The following APBA2 variants were observed in gnomAD, a reference collection of about 807,000 sequenced individuals.
APBA2 encodes the protein amyloid beta precursor protein binding family A member 2.
Under a neutral mutation model 75.0 loss-of-function variants are expected in APBA2, and 30 were observed. The observed-to-expected ratio is 0.40, with a 90% CI of 0.30 to 0.54. The LOEUF is 0.54. Ranked by LOEUF, APBA2 falls within the 20% of genes least tolerant of loss-of-function variation. APBA2 has a pLI of 0.49. For missense variants in APBA2, 801 were observed against 1,016.1 expected, an observed-to-expected ratio of 0.79 and a Z score of 2.88; for synonymous variants, 444 against 409.6, an observed-to-expected ratio of 1.08 and a Z score of -1.01.
intron 1 of APBA2, among the ~76,000 whole-genome samples, chr15:28,900,064 G>A (rs942927489): frequency 1.3e-5 from 2 of 152,156 alleles, no homozygotes; most frequent in Non-Finnish European, 2.9e-5. Flanking sequence ...TTCCTTTCTA[G>A]GTGAGGAGTT....
intron 2 of APBA2, among the ~76,000 whole-genome samples, chr15:28,982,598 G>A (rs985794788): frequency 2.0e-5 from 3 of 152,230 alleles, no homozygotes; most frequent in Non-Finnish European, 2.9e-5. Context: ...CTTTGGCAAT[G>A]GAGGATTTAT....
rs976432348 is a variant in APBA2 at position 28,991,809 on chromosome 15, G to T, written c.-94-3944G>T. Among the ~76,000 whole-genome samples the T allele has an allele frequency of 6.6e-6, 1 of 152,138 alleles. No individual in the cohort carries two copies. Among genetic ancestry groups the T allele is most frequent in the Non-Finnish European group, 1.5e-5 (1 of 68,028 alleles). Reference sequence around the variant, plus strand: ...GCCAGAGCCTCCTGTCAACAAGTATGTCACTGCCTTCGGGTTATTATTGTT... The same window carrying T: ...GCCAGAGCCTCCTGTCAACAAGTATTTCACTGCCTTCGGGTTATTATTGTT... On this transcript the variant is annotated intron_variant, in intron 2 of 14. Coordinates refer to ENST00000683413, the MANE Select transcript of APBA2 (RefSeq NM_001353788.2). This position sits in a 1 kb window ranked among gnomAD's most constrained non-coding sequence, Gnocchi z 4.7.
intron 10 of APBA2, among the ~76,000 whole-genome samples, chr15:29,103,804 A>T (rs1436405394): frequency 1.3e-5 from 2 of 152,194 alleles, no homozygotes; most frequent in African/African-American, 4.8e-5. Flanking sequence ...ACAGAAGCAG[A>T]GGCCTGGGGG....
intron 2 of APBA2, among the ~76,000 whole-genome samples, chr15:28,964,912 A>AT (rs945350259): frequency 1.5e-4 from 22 of 151,482 alleles, no homozygotes; most frequent in South Asian, 4.2e-4. Flanking sequence ...CCAGAGTATA[A>AT]TTTTTTTTTC....
chr15:28,980,689 C>T (rs548722879), intron 2 of APBA2, among the ~76,000 whole-genome samples: 6 of 152,304 alleles, frequency 3.9e-5, no homozygotes, highest in Admixed American at 3.9e-4. Context: ...CTAGAAAAAA[C>T]TATTCCAAAA....
Position 29,108,223 on chromosome 15 carries a change from T to C in APBA2, c.1918-47T>C, listed in dbSNP as rs376937381. On this transcript the variant is annotated intron_variant, in intron 12 of 14. Transcript: ENST00000683413. ...CAGCCTCGCTCATCCTGGGTCAGGC[T>C]TGATGTCTAAGGCCCAGCCTGTGAC... 19 of 1,612,242 alleles carry C rather than the reference T, an allele frequency of 1.2e-5. No homozygotes were observed. The African/African-American group carries it at 2.5e-4, about 22-fold the overall frequency.
rs577959378 is a variant in APBA2, at chr15:29,103,372, G to T, written c.1524+1588G>T. Among the ~76,000 whole-genome samples the T allele has an allele frequency of 2.1e-4, 32 of 152,360 alleles. 1 individual carries two copies. Among genetic ancestry groups the T allele is most frequent in the Admixed American group, 1.8e-3 (28 of 15,310 alleles). Reference sequence around the variant, plus strand: ...ACAGCCCACTTGCAGGAGGCCGCTTGAGCCCTGAGGTGGGGCCTGGGCTGG... The same window carrying T: ...ACAGCCCACTTGCAGGAGGCCGCTTTAGCCCTGAGGTGGGGCCTGGGCTGG... On this transcript the variant is annotated intron_variant, in intron 10 of 14. Transcript: ENST00000683413.
chr15:29,053,250 G>C (rs531916943), intron 3 of APBA2, among the ~76,000 whole-genome samples: 4 of 152,242 alleles, frequency 2.6e-5, no homozygotes, highest in African/African-American at 4.8e-5. Flanking sequence ...GCCACGCTGG[G>C]GACTTGTGTA....
At chr15:28,904,101 A>G (rs1339670895) in intron 1 of APBA2, among the ~76,000 whole-genome samples, 3 of 152,218 alleles carry the variant, frequency 2.0e-5, no homozygotes, top group Non-Finnish European at 4.4e-5. Flanking sequence ...TTTAAAAAAC[A>G]TTATTTTTAG....
chr15:28,886,335 C>G (rs1294659771), intron 1 of APBA2, 57 bp downstream of exon 1: 1 of 151,222 alleles, frequency 6.6e-6, no homozygotes, highest in East Asian at 1.9e-4. Context: ...TGGGGCCGCC[C>G]GGGGCGCCGC....
At chr15:28,908,372 G>A (rs1395270545) in intron 1 of APBA2, among the ~76,000 whole-genome samples, 1 of 149,152 alleles carries the variant, frequency 6.7e-6, no homozygotes, top group Admixed American at 6.6e-5. Flanking sequence ...GTACAGTGGC[G>A]CAATCTCGGC....
At chr15:29,083,847 T>C (rs1400276285) in intron 6 of APBA2, among the ~76,000 whole-genome samples, 1 of 152,162 alleles carries the variant, frequency 6.6e-6, no homozygotes, top group Non-Finnish European at 1.5e-5. Context: ...AAACTCTTAC[T>C]GGTATTTTTA....
intron 4 of APBA2, among the ~76,000 whole-genome samples, chr15:29,073,188 A>G (rs568819385): frequency 1.3e-5 from 2 of 152,350 alleles, no homozygotes; most frequent in East Asian, 3.9e-4. Flanking sequence ...AGACTAGGAC[A>G]GGGGATAGGG....
chr15:28,886,407 C>G (rs1173214280), intron 1 of APBA2, 129 bp downstream of exon 1: 1 of 151,266 alleles, frequency 6.6e-6, no homozygotes, highest in African/African-American at 2.4e-5. Context: ...AGAGCGCTGC[C>G]CTCCCGACTC....
In APBA2 at chr15:29,041,139, G is replaced by A. The variant is rs180737009; in HGVS notation, c.-40-12706G>A. On this transcript the variant is annotated intron_variant, in intron 3 of 14. Coordinates refer to ENST00000683413, the MANE Select transcript of APBA2 (RefSeq NM_001353788.2). ...AAAGAATCTAAGTTAGCTCTAAGTA[G>A]ATCAATAGAAATTATCCTGAATAAA... Among the ~76,000 whole-genome samples, 143 of 152,140 alleles carry A rather than the reference G, an allele frequency of 9.4e-4. 1 individual carries two copies. The highest frequency in any genetic ancestry group is 1.7e-3 in the Non-Finnish European group (119 of 68,030).
At chr15:29,022,633 G>A (rs1341521596) in intron 3 of APBA2, among the ~76,000 whole-genome samples, 1 of 152,100 alleles carries the variant, frequency 6.6e-6, no homozygotes. Context: ...GTTCTGGACT[G>A]TCTTCTGCTG....
At chr15:28,966,161 T>C (rs1337185833) in intron 2 of APBA2, among the ~76,000 whole-genome samples, 2 of 152,146 alleles carry the variant, frequency 1.3e-5, no homozygotes. Context: ...TTGAAAAGAA[T>C]GTGTATTCTG....
chr15:28,954,080 A>G (rs1400570084), intron 2 of APBA2, among the ~76,000 whole-genome samples: 1 of 152,080 alleles, frequency 6.6e-6, no homozygotes. Context: ...CACCTAGACC[A>G]TAGACTTGGA....
chr15:28,891,440 G>T (rs1398922862), intron 1 of APBA2, among the ~76,000 whole-genome samples: 1 of 152,152 alleles, frequency 6.6e-6, no homozygotes, highest in Non-Finnish European at 1.5e-5. Flanking sequence ...GTGACCACTG[G>T]TGGGCAAGTA....
Sources: allele counts gnomAD v4.1 joint callset (sites outside exome capture counted in the v4.1 genomes callset), GRCh38; gene constraint gnomAD v4.1.1; non-coding constraint Gnocchi (gnomAD v3.1); transcripts MANE v1.5; gene names NCBI Gene and HGNC (gene_info 2026-07-23, HGNC 2026-07-21).